The following GRID1 variants were observed in gnomAD, a reference collection of about 807,000 sequenced individuals.
GRID1 encodes glutamate ionotropic receptor delta type subunit 1.
A neutral mutation model predicts 98.0 loss-of-function variants in GRID1; 28 were observed. The observed-to-expected ratio is 0.29, with a 90% CI of 0.21 to 0.39. The LOEUF is 0.39. Among genes scored for constraint, GRID1 ranks in the 10% least tolerant of loss-of-function variants. The probability of loss-of-function intolerance (pLI) is 1.00; values close to 1 mark genes in which losing one functional copy is unlikely to be tolerated. For missense variants in GRID1, 1,111 were observed against 1,340.5 expected (o/e 0.83, Z 2.67); for synonymous variants, 553 against 538.5 (o/e 1.03, Z -0.37).
chr10:85,971,568 C>T (rs1842408876), intron 4 of GRID1, among the ~76,000 whole-genome samples: 2 of 152,066 alleles, frequency 1.3e-5, no homozygotes, highest in Admixed American at 6.5e-5. Flanking sequence ...AACAGGATAT[C>T]CAAATGGCTG....
intron 2 of GRID1, among the ~76,000 whole-genome samples, chr10:86,257,021 G>A (rs1001818057): frequency 3.9e-5 from 6 of 152,214 alleles, no homozygotes; most frequent in African/African-American, 1.2e-4. Flanking sequence ...CCCTAGCACT[G>A]ATACCCTCTG....
chr10:85,706,031 A>G (rs1325841526), intron 12 of GRID1, among the ~76,000 whole-genome samples: 20 of 152,220 alleles, frequency 1.3e-4, no homozygotes, highest in Admixed American at 1.3e-3. Flanking sequence ...AACTGGAAGC[A>G]TTCCCTTTGA....
intron 2 of GRID1, among the ~76,000 whole-genome samples, chr10:86,250,453 G>A (rs1846803056): frequency 6.6e-6 from 1 of 152,246 alleles, no homozygotes; most frequent in Non-Finnish European, 1.5e-5. Flanking sequence ...CAAGAGAAAT[G>A]GTCTCAGTAA....
chr10:85,873,458 T>G (rs1273702708), intron 5 of GRID1, among the ~76,000 whole-genome samples: 4 of 152,256 alleles, frequency 2.6e-5, no homozygotes, highest in Non-Finnish European at 5.9e-5. Flanking sequence ...ATTTTATTAC[T>G]TTTTAAGTTT....
chr10:86,314,887 T>C (rs1449827185), intron 2 of GRID1, among the ~76,000 whole-genome samples: 3 of 152,138 alleles, frequency 2.0e-5, no homozygotes, highest in Non-Finnish European at 4.4e-5. Flanking sequence ...CCAGGATCCA[T>C]CACAGAGCCA....
At chr10:85,682,324 T>C (rs1448902628) in intron 12 of GRID1, among the ~76,000 whole-genome samples, 1 of 152,240 alleles carries the variant, frequency 6.6e-6, no homozygotes, top group Non-Finnish European at 1.5e-5. Flanking sequence ...GAGATTTGTT[T>C]GTAAGACACT....
chr10:86,265,244 C>T (rs980784894), intron 2 of GRID1, among the ~76,000 whole-genome samples: 2 of 152,194 alleles, frequency 1.3e-5, no homozygotes, highest in Non-Finnish European at 2.9e-5. Context: ...ACTTCTCTGA[C>T]GGCTCCCTCT....
intron 12 of GRID1, among the ~76,000 whole-genome samples, chr10:85,720,480 A>G (rs1273702556): frequency 6.6e-6 from 1 of 152,160 alleles, no homozygotes; most frequent in Non-Finnish European, 1.5e-5. Flanking sequence ...GGACAATCAC[A>G]TATAACAATG....
chr10:85,851,832 C>T (rs1843060864), intron 8 of GRID1, among the ~76,000 whole-genome samples: 1 of 152,096 alleles, frequency 6.6e-6, no homozygotes. Flanking sequence ...GATGACTGAT[C>T]TTGGCACTGT....
At chr10:86,059,285 A>G (rs1359995938) in intron 4 of GRID1, among the ~76,000 whole-genome samples, 1 of 152,244 alleles carries the variant, frequency 6.6e-6, no homozygotes, top group Non-Finnish European at 1.5e-5. Flanking sequence ...GAGAGGGTAG[A>G]CAAAAGTAAC....
intron 5 of GRID1, among the ~76,000 whole-genome samples, chr10:85,905,486 G>A (rs1841447909): frequency 6.6e-6 from 1 of 151,874 alleles, no homozygotes; most frequent in Non-Finnish European, 1.5e-5. Context: ...AAGTATTTAA[G>A]ATTATTTTCT....
chr10:86,159,095 C>T (rs1348355409), intron 3 of GRID1, among the ~76,000 whole-genome samples: 1 of 152,074 alleles, frequency 6.6e-6, no homozygotes, highest in Non-Finnish European at 1.5e-5. Flanking sequence ...GGGGTTTCAC[C>T]GTGTTAGTCA....
At chr10:85,740,524 C>T (rs1270594471) in intron 8 of GRID1, among the ~76,000 whole-genome samples, 1 of 152,104 alleles carries the variant, frequency 6.6e-6, no homozygotes, top group African/African-American at 2.4e-5. Context: ...CTCTCTCAAA[C>T]TCTGGACTGG....
At chr10:85,960,856 C>A (rs4612740) in intron 4 of GRID1, among the ~76,000 whole-genome samples, 18,620 of 152,166 alleles carry the variant, frequency 0.12, 1,300 homozygotes, top group Admixed American at 0.22. Flanking sequence ...GAAAACATTT[C>A]TTTTGATCTC....
At chr10:86,234,543 C>T (rs1846505881) in intron 2 of GRID1, among the ~76,000 whole-genome samples, 2 of 152,220 alleles carry the variant, frequency 1.3e-5, no homozygotes, top group Admixed American at 1.3e-4. Flanking sequence ...CAAATATCTA[C>T]AAAAACTAAG....
intron 2 of GRID1, among the ~76,000 whole-genome samples, chr10:86,344,060 G>A (rs1426595003): frequency 6.6e-6 from 1 of 152,254 alleles, no homozygotes; most frequent in African/African-American, 2.4e-5. Context: ...AGCTCTTAGA[G>A]AATACCAGTG....
At chr10:85,626,235 C>A (rs986240681) in intron 13 of GRID1, among the ~76,000 whole-genome samples, 23 of 152,170 alleles carry the variant, frequency 1.5e-4, no homozygotes, top group Non-Finnish European at 3.4e-4. Flanking sequence ...AAGACTGAGG[C>A]TCCAAAAAAT....
intron 4 of GRID1, among the ~76,000 whole-genome samples, chr10:85,950,177 T>C (rs895065702): frequency 6.6e-6 from 1 of 152,264 alleles, no homozygotes; most frequent in African/African-American, 2.4e-5. Context: ...ACAGTGGCAA[T>C]GGGAGGTTTA....
intron 3 of GRID1, among the ~76,000 whole-genome samples, chr10:86,201,986 A>C (rs552629904): frequency 6.6e-6 from 1 of 152,326 alleles, no homozygotes; most frequent in East Asian, 1.9e-4. Context: ...TCAGGTTATT[A>C]ATCTTTTAAT....
Sources: allele counts gnomAD v4.1 joint callset (sites outside exome capture counted in the v4.1 genomes callset), GRCh38; gene constraint gnomAD v4.1.1; transcripts MANE v1.5; gene names NCBI Gene and HGNC (gene_info 2026-07-23, HGNC 2026-07-21).